The following PTPN14 variants were observed in gnomAD, a reference collection of about 807,000 sequenced individuals.
PTPN14 encodes tyrosine-protein phosphatase non-receptor type 14.
Under a neutral mutation model 126.8 loss-of-function variants are expected in PTPN14, and 53 were observed. That is an observed-to-expected ratio of 0.42 (90% confidence interval 0.34 to 0.53). PTPN14 has a LOEUF of 0.53. Ranked by LOEUF, PTPN14 falls within the 20% of genes least tolerant of loss-of-function variation. The pLI, the probability that PTPN14 is intolerant of heterozygous loss-of-function variation, is 0.08. For missense variants in PTPN14, 1,257 were observed against 1,552.9 expected (o/e 0.81, Z 3.20); for synonymous variants, 630 against 599.3 (o/e 1.05, Z -0.75).
chr1:214,414,877 G>C, intron 3 of PTPN14, 151 bp from the exon 4 acceptor site: 1 of 635,202 alleles, frequency 1.6e-6, no homozygotes, highest in African/African-American at 1.8e-5. Flanking sequence ...AAGATGGAAA[G>C]TGACCTCTGC....
chr1:214,466,090 G>T (rs1660631305), intron 1 of PTPN14, among the ~76,000 whole-genome samples: 1 of 150,436 alleles, frequency 6.6e-6, no homozygotes, highest in Non-Finnish European at 1.5e-5. Flanking sequence ...CCAAGTAGCT[G>T]GGATTACAGG....
intron 5 of PTPN14, among the ~76,000 whole-genome samples, chr1:214,409,770 T>A (rs1659259669): frequency 6.7e-6 from 1 of 149,998 alleles, no homozygotes; most frequent in African/African-American, 2.5e-5. Context: ...TGCTCAATAC[T>A]CCTCATGCTC....
At chr1:214,526,220 C>T (rs1372667534) in intron 1 of PTPN14, among the ~76,000 whole-genome samples, 1 of 152,148 alleles carries the variant, frequency 6.6e-6, no homozygotes. Flanking sequence ...CCTGCTTCCA[C>T]CTCCCAAAGT....
At position 214,352,829 on chromosome 1, in the gene PTPN14, T is replaced by C. The variant is rs918525679; in HGVS notation, c.*5093A>G. 3 of 152,152 alleles carry C rather than the reference T, an allele frequency of 2.0e-5. No individual in the cohort carries two copies. The highest frequency in any genetic ancestry group is 2.9e-5 in the Non-Finnish European group (2 of 68,036). The allele number at this position is 152,152 out of a possible 1,614,324, so 9.4% of individuals were successfully genotyped here. A position where few individuals can be genotyped will look rare whatever the true frequency, so the allele number is the denominator to read the frequency against. On this transcript the variant is annotated 3_prime_UTR_variant, in exon 19 of 19. Coordinates refer to ENST00000366956, the MANE Select transcript of PTPN14 (RefSeq NM_005401.5). ...GAAAAGAAATCACTAAATAAGAGCA[T>C]GATGAGTGTCTCAAAACCATTGGCA...
chr1:214,397,693 T>A (rs1451958669), intron 8 of PTPN14, among the ~76,000 whole-genome samples: 2 of 152,062 alleles, frequency 1.3e-5, no homozygotes, highest in East Asian at 3.9e-4. Flanking sequence ...CTCAATAGAG[T>A]TCAACAATGT....
Position 214,384,037 on chromosome 1 carries a change from C to T in PTPN14, c.1818G>A (p.Val606=), listed in dbSNP as rs1351070469. 6.3e-7 allele frequency: 1 copy of T among 1,595,700 alleles called. No individual in the cohort carries two copies. The highest frequency in any genetic ancestry group is 2.2e-5 in the East Asian group (1 of 44,640). ...GAGAGCTGTCCTCTTGGAAGGTCTT[C>T]ACCGAGAGCTGCACCTTCCGGGTCA... ...DLVTRKVQLS[V]KTFQEDSSPV... is the part of the protein sequence containing the mutation. Residue 606 remains valine (V), a synonymous_variant, in exon 13 of 19, where the codon GTG becomes GTA. Coordinates refer to ENST00000366956, the MANE Select transcript of PTPN14 (RefSeq NM_005401.5). This position sits in a 1 kb window ranked among gnomAD's most constrained non-coding sequence, Gnocchi z 5.3.
intron 3 of PTPN14, among the ~76,000 whole-genome samples, chr1:214,443,461 CT>C (rs1660077773): frequency 6.6e-6 from 1 of 151,970 alleles, no homozygotes; most frequent in Non-Finnish European, 1.5e-5. Flanking sequence ...GTTTTGTTCC[CT>C]TGAGGGTTTA....
intron 3 of PTPN14, among the ~76,000 whole-genome samples, chr1:214,436,402 T>TA (rs5780777): frequency 0.31 from 47,047 of 151,466 alleles, 8,235 homozygotes; most frequent in East Asian, 0.52. Context: ...AAAATAAAGT[T>TA]AAAAAAAAAT....
intron 2 of PTPN14, among the ~76,000 whole-genome samples, chr1:214,461,969 G>A (rs1445787486): frequency 6.6e-6 from 1 of 152,136 alleles, no homozygotes; most frequent in Non-Finnish European, 1.5e-5. Context: ...TTTGGATAGA[G>A]GATGCATTCT....
In PTPN14 at chr1:214,354,715, T is replaced by C. The variant is rs1234977036; in HGVS notation, c.*3207A>G. The C allele has an allele frequency of 6.6e-6, 1 of 152,170 alleles. No homozygotes were observed. Among genetic ancestry groups the C allele is most frequent in the Non-Finnish European group, 1.5e-5 (1 of 68,024 alleles). The allele number at this position is 152,170 out of a possible 1,614,324, so 9.4% of individuals were successfully genotyped here. ...AACCAAACAGTTCAACTGGAAAACC[T>C]CGAAAACAGCGGCTGGAAAATGTTT... On this transcript the variant is annotated 3_prime_UTR_variant, in exon 19 of 19. Coordinates refer to ENST00000366956, the MANE Select transcript of PTPN14 (RefSeq NM_005401.5).
chr1:214,492,660 C>T lies in PTPN14; in HGVS notation c.-154-27703G>A, dbSNP rs538269457. 6.6e-5 allele frequency among the ~76,000 whole-genome samples: 10 copies of T among 152,234 alleles called. No homozygotes were observed. The East Asian group carries it at 1.9e-3, about 29-fold the overall frequency. The stretch of plus-strand genomic sequence containing the variant: ...TGGTGGCTCAGACCTGTAATCCAAG[C>T]CCTTTGGGAGGCCATGGCAGGTGGA... On this transcript the variant is annotated intron_variant, in intron 1 of 18. Coordinates refer to ENST00000366956, the MANE Select transcript of PTPN14 (RefSeq NM_005401.5).
intron 3 of PTPN14, among the ~76,000 whole-genome samples, chr1:214,429,349 G>A (rs1659745746): frequency 6.6e-6 from 1 of 152,028 alleles, no homozygotes; most frequent in Non-Finnish European, 1.5e-5. Context: ...ATGAAAACAA[G>A]CTATTATTTA....
chr1:214,441,150 C>G (rs1010872712), intron 3 of PTPN14, among the ~76,000 whole-genome samples: 3 of 152,194 alleles, frequency 2.0e-5, no homozygotes, highest in African/African-American at 7.2e-5. Context: ...GAAAAAACTT[C>G]TGTTATTTAA....
intron 2 of PTPN14, among the ~76,000 whole-genome samples, chr1:214,459,052 A>G (rs1480277887): frequency 6.6e-6 from 1 of 151,784 alleles, no homozygotes; most frequent in Non-Finnish European, 1.5e-5. Context: ...ATGAAAACAC[A>G]CTTTTCCTAA....
intron 5 of PTPN14, among the ~76,000 whole-genome samples, chr1:214,403,929 A>G (rs1046185228): frequency 1.5e-4 from 22 of 151,680 alleles, no homozygotes; most frequent in African/African-American, 5.3e-4. Flanking sequence ...TTTTCCTGTG[A>G]CCTCCAGAGC....
chr1:214,360,149 T>G (rs558175681), intron 18 of PTPN14, among the ~76,000 whole-genome samples: 2 of 152,262 alleles, frequency 1.3e-5, no homozygotes, highest in East Asian at 3.9e-4. Flanking sequence ...AGCAAGTGTT[T>G]AAAAGAAAAT....
chr1:214,424,378 G>C (rs1659612990), intron 3 of PTPN14, among the ~76,000 whole-genome samples: 1 of 151,948 alleles, frequency 6.6e-6, no homozygotes, highest in Non-Finnish European at 1.5e-5. Context: ...AAACACAAAA[G>C]CTGGATGGAA....
At position 214,354,874 on chromosome 1, in the gene PTPN14, G is replaced by A. The variant is rs1453900968; in HGVS notation, c.*3048C>T. On this transcript the variant is annotated 3_prime_UTR_variant, in exon 19 of 19. Transcript: ENST00000366956. ...ACATCATCAGGAAATCATTCCAAAA[G>A]CTCTAACTAGATAACTAATTTAATA... is the stretch of plus-strand genomic sequence containing the variant. 1 of 152,128 alleles carries A rather than the reference G, an allele frequency of 6.6e-6. No homozygotes were observed. Among genetic ancestry groups the A allele is most frequent in the African/African-American group, 2.4e-5 (1 of 41,416 alleles). 9.4% of individuals were successfully genotyped at this position (152,128 alleles called of 1,614,324 possible). A position where few individuals can be genotyped will look rare whatever the true frequency, so the allele number is the denominator to read the frequency against.
intron 3 of PTPN14, among the ~76,000 whole-genome samples, chr1:214,416,268 C>G (rs1659423923): frequency 1.3e-5 from 2 of 152,146 alleles, no homozygotes; most frequent in Non-Finnish European, 2.9e-5. Flanking sequence ...GATTAAGAAC[C>G]AAGGAGTAAA....
Sources: gnomAD v4.1 joint callset for allele counts (sites outside exome capture counted in the v4.1 genomes callset) on GRCh38, gnomAD v4.1.1 for gene constraint, Gnocchi (gnomAD v3.1) non-coding constraint, MANE v1.5 for transcripts, NCBI Gene and HGNC (gene_info 2026-07-23, HGNC 2026-07-21) for gene names.